Variants in FSTL4 observed in about 807,000 individuals in gnomAD.
FSTL4 encodes the protein follistatin-related protein 4.
In FSTL4, 28 loss-of-function variants were observed where a neutral mutation model predicts 78.2. The ratio of observed to expected loss-of-function variants is 0.36; its 90% confidence interval spans 0.27 to 0.49. The LOEUF is 0.49. Among genes scored for constraint, FSTL4 ranks in the 20% least tolerant of loss-of-function variants. The pLI, the probability that FSTL4 is intolerant of heterozygous loss-of-function variation, is 0.98. For synonymous variants in FSTL4, 422 were observed against 440.5 expected, an observed-to-expected ratio of 0.96 and a Z score of 0.53; for missense variants, 922 against 1,084.9, an observed-to-expected ratio of 0.85 and a Z score of 2.11.
the FSTL4 span, among the ~76,000 whole-genome samples, chr5:133,690,250 G>A: frequency 6.6e-6 from 1 of 152,022 alleles, no homozygotes; most frequent in African/African-American, 2.4e-5. Context: ...ATCAGACATA[G>A]ATCTAGTCCC....
chr5:133,343,890 C>T (rs772922640), intron 4 of FSTL4, among the ~76,000 whole-genome samples: 1 of 152,174 alleles, frequency 6.6e-6, no homozygotes, highest in South Asian at 2.1e-4. Flanking sequence ...GTAAAAATCC[C>T]AAATCAAATA....
intron 8 of FSTL4, among the ~76,000 whole-genome samples, chr5:133,233,215 G>T (rs924629535): frequency 2.6e-5 from 4 of 152,264 alleles, no homozygotes; most frequent in Non-Finnish European, 5.9e-5. Flanking sequence ...ACCTGTGGAG[G>T]CTTTGGGTGG....
chr5:133,591,932 G>A (rs1760636954), intron 2 of FSTL4, among the ~76,000 whole-genome samples: 1 of 152,086 alleles, frequency 6.6e-6, no homozygotes, highest in Non-Finnish European at 1.5e-5. Context: ...ATGTTAGCAG[G>A]CGATTCTGCT....
intron 4 of FSTL4, among the ~76,000 whole-genome samples, chr5:133,328,453 A>G (rs1311684283): frequency 6.6e-6 from 1 of 152,202 alleles, no homozygotes; most frequent in Non-Finnish European, 1.5e-5. Flanking sequence ...AGGGATCCAC[A>G]TATACTTTTT....
the FSTL4 span, among the ~76,000 whole-genome samples, chr5:133,636,386 T>C: frequency 6.6e-6 from 1 of 152,114 alleles, no homozygotes; most frequent in Non-Finnish European, 1.5e-5. Context: ...GCCCAGCCTG[T>C]GGGCTCTTTG....
At chr5:133,811,242 T>A in the FSTL4 span, among the ~76,000 whole-genome samples, 1 of 152,140 alleles carries the variant, frequency 6.6e-6, no homozygotes, top group Admixed American at 6.5e-5. Flanking sequence ...CTCTTCATAA[T>A]CCCTTTCCTC....
the FSTL4 span, among the ~76,000 whole-genome samples, chr5:133,692,574 G>C: frequency 0.024 from 3,621 of 152,300 alleles, 139 homozygotes; most frequent in African/African-American, 0.083. Context: ...AGAACCCCTT[G>C]AATAGAGTGT....
intron 2 of FSTL4, among the ~76,000 whole-genome samples, chr5:133,593,221 C>T (rs1047006583): frequency 6.6e-6 from 1 of 152,112 alleles, no homozygotes; most frequent in African/African-American, 2.4e-5. Context: ...CAACACCACC[C>T]CTGGCCCTGA....
At chr5:133,725,364 T>C in the FSTL4 span, among the ~76,000 whole-genome samples, 2 of 152,188 alleles carry the variant, frequency 1.3e-5, no homozygotes, top group African/African-American at 2.4e-5. Context: ...CGTGCAGTGA[T>C]GGGGAAAATG....
rs2278232 is a variant in FSTL4 at position 133,312,639 on chromosome 5, T to C, written c.727+15A>G. ...CTGCAGAAATAAGCCCTTTTCCCAC[T>C]GGGACCCAACTTACGGAAGGCCATG... On this transcript the variant is annotated intron_variant, in intron 6 of 15. Coordinates refer to ENST00000265342, the MANE Select transcript of FSTL4 (RefSeq NM_015082.2). 120,498 of 1,613,136 alleles carry C rather than the reference T, an allele frequency of 0.075. 8,540 individuals are homozygous for C. Among genetic ancestry groups the C allele is most frequent in the East Asian group, 0.33 (14,683 of 44,836 alleles).
intron 4 of FSTL4, among the ~76,000 whole-genome samples, chr5:133,398,604 C>A (rs1756133611): frequency 6.6e-6 from 1 of 152,276 alleles, no homozygotes; most frequent in Non-Finnish European, 1.5e-5. Flanking sequence ...TGGCAGGTCT[C>A]ATGAACACCA....
chr5:133,207,328 C>A (rs1331166214), intron 14 of FSTL4, among the ~76,000 whole-genome samples: 1 of 152,232 alleles, frequency 6.6e-6, no homozygotes, highest in Non-Finnish European at 1.5e-5. Flanking sequence ...GTGCTCTTAA[C>A]CCTAAATTCC....
chr5:133,697,128 C>A, the FSTL4 span, among the ~76,000 whole-genome samples: 4 of 152,344 alleles, frequency 2.6e-5, 1 homozygote, highest in South Asian at 8.3e-4. Context: ...TTGTCTCTGC[C>A]AGTGACTAGC....
At chr5:133,349,295 C>CTCTCTGTGTGTG (rs11269337) in intron 4 of FSTL4, among the ~76,000 whole-genome samples, 89 of 139,768 alleles carry the variant, frequency 6.4e-4, no homozygotes, top group East Asian at 1.6e-3. Context: ...GCCTCTCTCT[C>CTCTCTGTGTGTG]TGTGTGTGTG....
At chr5:133,701,867 G>A in the FSTL4 span, among the ~76,000 whole-genome samples, 70 of 152,270 alleles carry the variant, frequency 4.6e-4, 1 homozygote, top group South Asian at 0.014. Context: ...AAGAGAACAG[G>A]TCCTGTGATA....
the FSTL4 span, among the ~76,000 whole-genome samples, chr5:133,716,601 G>A: frequency 6.6e-6 from 1 of 152,024 alleles, no homozygotes; most frequent in Non-Finnish European, 1.5e-5. Context: ...AGATTTGGAG[G>A]GTGCTTGTCA....
chr5:133,479,215 GACC>G (rs1202991066), intron 3 of FSTL4, among the ~76,000 whole-genome samples: 1 of 152,022 alleles, frequency 6.6e-6, no homozygotes, highest in Non-Finnish European at 1.5e-5. Flanking sequence ...TGAAGGCGGG[GACC>G]ATGTGCGTCT....
At chr5:133,302,326 T>C (rs968541741) in intron 6 of FSTL4, among the ~76,000 whole-genome samples, 1 of 152,158 alleles carries the variant, frequency 6.6e-6, no homozygotes, top group African/African-American at 2.4e-5. Context: ...GACCTTTCTC[T>C]TCCTGCTTAT....
intron 4 of FSTL4, among the ~76,000 whole-genome samples, chr5:133,348,401 G>A (rs1030137598): frequency 6.6e-6 from 1 of 152,236 alleles, no homozygotes; most frequent in African/African-American, 2.4e-5. Context: ...TGTCTGGGAG[G>A]GAGAGGGGAA....
Sources: allele counts gnomAD v4.1 joint callset (sites outside exome capture counted in the v4.1 genomes callset), GRCh38; gene constraint gnomAD v4.1.1; transcripts MANE v1.5; gene names NCBI Gene and HGNC (gene_info 2026-07-23, HGNC 2026-07-21).